The following SPIRE1 variants were observed in gnomAD, a reference collection of about 807,000 sequenced individuals.
The protein encoded by SPIRE1 is protein spire homolog 1.
SPIRE1 carries 40 observed loss-of-function variants against 94.1 expected under a neutral mutation model. The observed-to-expected ratio is 0.43, with a 90% confidence interval of 0.33 to 0.55. SPIRE1 has a LOEUF of 0.55. Ranked by LOEUF, SPIRE1 falls within the 20% of genes least tolerant of loss-of-function variation. SPIRE1 has a pLI of 0.06. For synonymous variants in SPIRE1, 376 were observed against 371.7 expected (o/e 1.01, Z -0.13); for missense variants, 838 against 975.2 (o/e 0.86, Z 1.87).
intron 7 of SPIRE1, among the ~76,000 whole-genome samples, chr18:12,494,332 T>A (rs1312465799): frequency 1.3e-5 from 2 of 152,126 alleles, no homozygotes; most frequent in Non-Finnish European, 2.9e-5. Flanking sequence ...GGGAGGCTGA[T>A]TAGCTCCCTC....
At chr18:12,631,700 A>G in intron 2 of SPIRE1, among the ~76,000 whole-genome samples, 1 of 151,970 alleles carries the variant, frequency 6.6e-6, no homozygotes, top group East Asian at 1.9e-4. Context: ...CCCTGTCTCT[A>G]CTAAAAATAC....
intron 2 of SPIRE1, among the ~76,000 whole-genome samples, chr18:12,585,025 C>T (rs927650207): frequency 1.3e-5 from 2 of 152,062 alleles, no homozygotes; most frequent in South Asian, 2.1e-4. Context: ...AGGCTGCTCT[C>T]GAACTCTTGA....
intron 10 of SPIRE1, among the ~76,000 whole-genome samples, chr18:12,469,069 T>C (rs914526924): frequency 6.6e-6 from 1 of 152,032 alleles, no homozygotes; most frequent in Non-Finnish European, 1.5e-5. Flanking sequence ...GTCTCGAAAA[T>C]AAAAGTCTAA....
intron 1 of SPIRE1, among the ~76,000 whole-genome samples, chr18:12,655,132 C>T (rs1598591809): frequency 6.6e-6 from 1 of 151,582 alleles, no homozygotes; most frequent in Non-Finnish European, 1.5e-5. Flanking sequence ...GCAGTTGGAT[C>T]ACTTAAGCCC....
Position 12,579,200 on chromosome 18 carries a change from T to TACACAC in SPIRE1, c.373-32302_373-32297dup, listed in dbSNP as rs60826359. 1.3e-3 allele frequency among the ~76,000 whole-genome samples: 157 copies of TACACAC among 119,108 alleles called. 2 individuals carry two copies. The highest frequency in any genetic ancestry group is 4.2e-3 in the African/African-American group (145 of 34,314). The allele number at this position is 119,108 out of a possible 152,430, so 78.1% of individuals were successfully genotyped here. On this transcript the variant is annotated intron_variant, in intron 2 of 16. Coordinates refer to ENST00000409402, the MANE Select transcript of SPIRE1 (RefSeq NM_001128626.2). Reference sequence around the variant, plus strand: ...AGGAAAAAGTTTACACACACACACATACACACACACACACACACACACACA... The same window carrying TACACAC: ...AGGAAAAAGTTTACACACACACACATACACACACACACACACACACACACACACACA...
chr18:12,600,522 C>A (rs185608650), intron 2 of SPIRE1, among the ~76,000 whole-genome samples: 1 of 151,844 alleles, frequency 6.6e-6, no homozygotes, highest in Non-Finnish European at 1.5e-5. Flanking sequence ...TTTTAACAAC[C>A]ACTGATGATT....
chr18:12,649,831 AAC>A (rs1404613989), intron 1 of SPIRE1, among the ~76,000 whole-genome samples: 3 of 152,346 alleles, frequency 2.0e-5, no homozygotes, highest in Non-Finnish European at 4.4e-5. Context: ...CAAAAGTAGA[AAC>A]ACAGATACAA....
At chr18:12,492,807 A>G (rs1229167225) in intron 8 of SPIRE1, among the ~76,000 whole-genome samples, 5 of 152,190 alleles carry the variant, frequency 3.3e-5, no homozygotes, top group Non-Finnish European at 5.9e-5. Flanking sequence ...AGCTCTTTCA[A>G]TTACGGCACG....
chr18:12,598,231 T>C (rs1334879052), intron 2 of SPIRE1, among the ~76,000 whole-genome samples: 2 of 152,246 alleles, frequency 1.3e-5, no homozygotes, highest in African/African-American at 4.8e-5. Flanking sequence ...TCTAAAATTC[T>C]TTTTGAATTC....
chr18:12,486,105 A>G (rs2033030371), intron 8 of SPIRE1, 105 bp from the exon 9 acceptor site: 2 of 783,078 alleles, frequency 2.6e-6, no homozygotes, highest in Admixed American at 3.2e-5. Context: ...TAGTGGCTAC[A>G]TGTCAGACTC....
intron 9 of SPIRE1, among the ~76,000 whole-genome samples, chr18:12,482,746 T>C (rs1421810885): frequency 6.6e-6 from 1 of 152,140 alleles, no homozygotes; most frequent in Non-Finnish European, 1.5e-5. Context: ...CTGAACCCTG[T>C]GCTATGAGAT....
rs1401172195 is a variant in SPIRE1, at chr18:12,506,468, GT to G, written c.972+8del. 1 of 1,613,462 alleles carries G rather than the reference GT, an allele frequency of 6.2e-7. No homozygotes were observed. Among genetic ancestry groups the G allele is most frequent in the Non-Finnish European group, 8.5e-7 (1 of 1,179,696 alleles). ...GCCACATGCCCGGCCTGACAGCTTGGTTACTTACCATCACTTTTCGCAAGGT... is the reference window on the plus strand; with the variant it reads ...GCCACATGCCCGGCCTGACAGCTTGGTACTTACCATCACTTTTCGCAAGGT... On this transcript the variant is annotated splice_region_variant and intron_variant, in intron 6 of 16. Transcript: ENST00000409402.
chr18:12,615,331 A>AC (rs2037257384), intron 2 of SPIRE1, among the ~76,000 whole-genome samples: 1 of 42,710 alleles, frequency 2.3e-5, no homozygotes, highest in Non-Finnish European at 6.8e-5. Flanking sequence ...CTGTCTCAAA[A>AC]AAAAAAAAAA....
intron 10 of SPIRE1, among the ~76,000 whole-genome samples, chr18:12,474,791 C>T (rs2032497928): frequency 6.6e-6 from 1 of 151,996 alleles, no homozygotes; most frequent in African/African-American, 2.4e-5. Flanking sequence ...TGTGTTCCAG[C>T]CTTGGCAATG....
intron 10 of SPIRE1, among the ~76,000 whole-genome samples, chr18:12,478,169 T>C (rs2032679176): frequency 6.6e-6 from 1 of 151,942 alleles, no homozygotes; most frequent in Non-Finnish European, 1.5e-5. Flanking sequence ...AATTAAAGAA[T>C]AATTCCTCAG....
intron 1 of SPIRE1, among the ~76,000 whole-genome samples, chr18:12,637,441 TA>T (rs1303199422): frequency 6.6e-6 from 1 of 151,950 alleles, no homozygotes; most frequent in Non-Finnish European, 1.5e-5. Flanking sequence ...CAAAGAAATC[TA>T]TAAGTTTTTG....
chr18:12,449,576 G>C lies in SPIRE1; in HGVS notation c.*62C>G. Reference sequence around the variant, plus strand: ...AACCACAGAAAGGAGAGCCAGCCCGGCTCAGTGTCCTCGCGCACGGACGCT... The same window carrying C: ...AACCACAGAAAGGAGAGCCAGCCCGCCTCAGTGTCCTCGCGCACGGACGCT... On this transcript the variant is annotated 3_prime_UTR_variant, in exon 17 of 17. Transcript: ENST00000409402. The C allele has an allele frequency of 2.6e-6, 4 of 1,535,460 alleles. No individual in the cohort carries two copies. The South Asian group carries it at 4.9e-5, about 19-fold the overall frequency.
chr18:12,590,383 C>T (rs551376046), intron 2 of SPIRE1, among the ~76,000 whole-genome samples: 3 of 152,120 alleles, frequency 2.0e-5, no homozygotes, highest in Non-Finnish European at 4.4e-5. Flanking sequence ...AGCCACCGTG[C>T]CTGGCCGCAT....
intron 10 of SPIRE1, among the ~76,000 whole-genome samples, chr18:12,473,910 G>A (rs2032458613): frequency 1.3e-5 from 2 of 152,350 alleles, no homozygotes; most frequent in Non-Finnish European, 1.5e-5. Flanking sequence ...TGATATTGTG[G>A]AATGGTGGAA....
Sources: allele counts gnomAD v4.1 joint callset (sites outside exome capture counted in the v4.1 genomes callset), GRCh38; gene constraint gnomAD v4.1.1; transcripts MANE v1.5; gene names NCBI Gene and HGNC (gene_info 2026-07-23, HGNC 2026-07-21).